INSYN2B: variants seen among roughly 807,000 people sequenced by gnomAD.
INSYN2B encodes the protein inhibitory synaptic factor family member 2B, also known as protein INSYN2B.
Under a neutral mutation model 41.2 loss-of-function variants are expected in INSYN2B, and 16 were observed. The ratio of observed to expected loss-of-function variants is 0.39; its 90% CI spans 0.26 to 0.59. The LOEUF (loss-of-function observed/expected upper bound fraction) is 0.59. Among genes scored for constraint, INSYN2B ranks in the 20% least tolerant of loss-of-function variants. The probability of loss-of-function intolerance (pLI) is 0.57; values close to 1 mark genes in which losing one functional copy is unlikely to be tolerated. For synonymous variants in INSYN2B, 245 were observed against 244.4 expected (o/e 1.00, Z -0.02); for missense variants, 608 against 646.4 (o/e 0.94, Z 0.64).
At chr5:169,980,242 G>A (rs1561865043) in intron 1 of INSYN2B, 35 bp downstream of exon 1, 1 of 152,000 alleles carries the variant, frequency 6.6e-6, no homozygotes, top group Non-Finnish European at 1.5e-5. Context: ...GAGGATCATC[G>A]ATCATAAAAA....
At chr5:169,877,664 T>C (rs368039803) in intron 3 of INSYN2B, among the ~76,000 whole-genome samples, 13 of 152,188 alleles carry the variant, frequency 8.5e-5, no homozygotes, top group Admixed American at 2.0e-4. Context: ...TTTAGATAGA[T>C]AGATAGATAG....
chr5:169,934,478 T>C (rs1775895836), intron 1 of INSYN2B, among the ~76,000 whole-genome samples: 1 of 152,208 alleles, frequency 6.6e-6, no homozygotes, highest in Non-Finnish European at 1.5e-5. Context: ...TAGTAAGAGG[T>C]GCATGCACAT....
At chr5:169,966,322 C>CA (rs1371550148) in intron 1 of INSYN2B, among the ~76,000 whole-genome samples, 5 of 152,134 alleles carry the variant, frequency 3.3e-5, no homozygotes, top group Admixed American at 2.0e-4. Context: ...TGGCATGACT[C>CA]AGAGTTTAAA....
At chr5:169,946,270 C>G (rs927396019) in intron 1 of INSYN2B, among the ~76,000 whole-genome samples, 1 of 152,180 alleles carries the variant, frequency 6.6e-6, no homozygotes, top group Non-Finnish European at 1.5e-5. Context: ...TTCCAGCCCC[C>G]CACATCCAGC....
chr5:169,898,542 A>G (rs1773743596), intron 1 of INSYN2B, among the ~76,000 whole-genome samples: 2 of 151,394 alleles, frequency 1.3e-5, no homozygotes, highest in East Asian at 1.9e-4. Flanking sequence ...AACAACAACA[A>G]CAACAACAAC....
chr5:169,924,509 T>C (rs1775335249), intron 1 of INSYN2B, among the ~76,000 whole-genome samples: 1 of 152,198 alleles, frequency 6.6e-6, no homozygotes, highest in African/African-American at 2.4e-5. Flanking sequence ...GAATTAGGAA[T>C]CTGAGAATCT....
chr5:169,887,584 C>T (rs1773044075), intron 1 of INSYN2B, among the ~76,000 whole-genome samples: 1 of 152,196 alleles, frequency 6.6e-6, no homozygotes, highest in African/African-American at 2.4e-5. Flanking sequence ...AGTAGGCTAA[C>T]ATGAATTTGT....
chr5:169,897,661 G>A (rs1773692090), intron 1 of INSYN2B, among the ~76,000 whole-genome samples: 1 of 152,196 alleles, frequency 6.6e-6, no homozygotes, highest in South Asian at 2.1e-4. Context: ...TTCAGCTAAA[G>A]ACAGAAGTTC....
chr5:169,958,096 A>G (rs1398560019), intron 1 of INSYN2B, among the ~76,000 whole-genome samples: 1 of 152,208 alleles, frequency 6.6e-6, no homozygotes, highest in East Asian at 1.9e-4. Context: ...ACATGAGTGC[A>G]AGTGTGAAAC....
At chr5:169,950,719 A>G (rs1206113388) in intron 1 of INSYN2B, among the ~76,000 whole-genome samples, 1 of 152,220 alleles carries the variant, frequency 6.6e-6, no homozygotes, top group Non-Finnish European at 1.5e-5. Context: ...TAACAGCCAC[A>G]TTCTTTCACA....
At chr5:169,917,424 T>C (rs1774934220) in intron 1 of INSYN2B, among the ~76,000 whole-genome samples, 1 of 152,214 alleles carries the variant, frequency 6.6e-6, no homozygotes, top group African/African-American at 2.4e-5. Flanking sequence ...AGAGTTTCCT[T>C]TGGTGCAAAG....
In INSYN2B at chr5:169,933,551, G is replaced by C. The variant is rs374642451; in HGVS notation, c.-919+46726C>G. Among the ~76,000 whole-genome samples, 46 of 152,296 alleles carry C rather than the reference G, an allele frequency of 3.0e-4. 1 individual carries two copies. The highest frequency in any genetic ancestry group is 2.1e-3 in the South Asian group (10 of 4,822). ...ATACTGCATTCACCTGGGGAAGGAGGCTGCTTATTTGCCCACTTTTCAGAA... is the reference window on the plus strand; with the variant it reads ...ATACTGCATTCACCTGGGGAAGGAGCCTGCTTATTTGCCCACTTTTCAGAA... On this transcript the variant is annotated intron_variant, in intron 1 of 3. Transcript: ENST00000377365.
chr5:169,962,533 T>A (rs1777134077), intron 1 of INSYN2B, among the ~76,000 whole-genome samples: 1 of 152,088 alleles, frequency 6.6e-6, no homozygotes, highest in African/African-American at 2.4e-5. Context: ...CACCTGGAGT[T>A]GTCAGACAGG....
chr5:169,881,247 T>C (rs988112772), intron 3 of INSYN2B, 121 bp downstream of exon 3: 41 of 772,918 alleles, frequency 5.3e-5, no homozygotes, highest in Non-Finnish European at 8.0e-5. Context: ...TGTTAACATT[T>C]CATAGTTAAA....
At position 169,926,787 on chromosome 5, in the gene INSYN2B, T is replaced by A. The variant is rs114316762; in HGVS notation, c.-918-41971A>T. Among the ~76,000 whole-genome samples, 1,169 of 152,308 alleles carry A rather than the reference T, an allele frequency of 7.7e-3. 7 individuals are homozygous for A. The highest frequency in any genetic ancestry group is 0.013 in the Non-Finnish European group (853 of 68,028). ...TGCATTCATTTAGCAACTAGTTACT[T>A]ATTGAGCTTTTACTGCATCTCAGGC... is the stretch of plus-strand genomic sequence containing the variant. On this transcript the variant is annotated intron_variant, in intron 1 of 3. Transcript: ENST00000377365.
At chr5:169,904,705 G>A (rs747880545) in intron 1 of INSYN2B, among the ~76,000 whole-genome samples, 14 of 152,282 alleles carry the variant, frequency 9.2e-5, no homozygotes, top group East Asian at 1.9e-4. Flanking sequence ...GACAGATACC[G>A]AGGGTGGCCT....
intron 1 of INSYN2B, among the ~76,000 whole-genome samples, chr5:169,962,926 A>G (rs2113748906): frequency 6.6e-6 from 1 of 152,198 alleles, no homozygotes; most frequent in South Asian, 2.1e-4. Context: ...TTCTGCAAAT[A>G]CCCCTAGGCC....
At chr5:169,910,772 C>T (rs1168732499) in intron 1 of INSYN2B, among the ~76,000 whole-genome samples, 2 of 152,224 alleles carry the variant, frequency 1.3e-5, no homozygotes, top group Non-Finnish European at 2.9e-5. Context: ...TTTTAGGTCA[C>T]AGCTTTCTTG....
intron 1 of INSYN2B, among the ~76,000 whole-genome samples, chr5:169,902,627 C>T (rs1212150354): frequency 1.3e-5 from 2 of 152,204 alleles, no homozygotes; most frequent in Non-Finnish European, 2.9e-5. Flanking sequence ...ATTTGGGAAG[C>T]TGGGTTCCTG....
Sources: gnomAD v4.1 joint callset for allele counts (sites outside exome capture counted in the v4.1 genomes callset) on GRCh38, gnomAD v4.1.1 for gene constraint, MANE v1.5 for transcripts, NCBI Gene and HGNC (gene_info 2026-07-23, HGNC 2026-07-21) for gene names.